POLN: variants seen among roughly 807,000 people sequenced by gnomAD.
The protein encoded by POLN is DNA polymerase N.
A neutral mutation model predicts 113.5 loss-of-function variants in POLN; 108 were observed. The ratio of observed to expected loss-of-function variants is 0.95; its 90% CI spans 0.81 to 1.12. The LOEUF is 1.12. POLN is among the 50% of genes most tolerant of loss of function. The pLI is 0.00. For missense variants in POLN, 1,097 were observed against 1,077.1 expected (o/e 1.02, Z -0.26); for synonymous variants, 386 against 391.5 (o/e 0.99, Z 0.17).
intron 19 of POLN, among the ~76,000 whole-genome samples, chr4:2,123,270 C>A (rs1028221645): frequency 2.0e-5 from 3 of 151,816 alleles, no homozygotes; most frequent in African/African-American, 7.3e-5. Context: ...AGGTAGGTTG[C>A]TTTGTAATCA....
intron 21 of POLN, among the ~76,000 whole-genome samples, chr4:2,083,279 C>A (rs897974825): frequency 9.9e-5 from 15 of 152,214 alleles, no homozygotes; most frequent in African/African-American, 3.6e-4. Context: ...AAGTCTGGAT[C>A]CACGTCTCCT....
intron 20 of POLN, chr4:2,088,998 T>C: frequency 1.1e-6 from 1 of 870,798 alleles, no homozygotes; most frequent in Non-Finnish European, 1.9e-6. Flanking sequence ...CAGCCTTTAT[T>C]GTTTTTCTCA....
intron 20 of POLN, among the ~76,000 whole-genome samples, chr4:2,088,161 C>T (rs1196342623): frequency 3.3e-5 from 5 of 152,090 alleles, no homozygotes; most frequent in Admixed American, 3.3e-4. Flanking sequence ...AAATGTATTT[C>T]AACAATCTCC....
chr4:2,096,965 G>A (rs77162233), intron 19 of POLN, among the ~76,000 whole-genome samples: 1,630 of 152,228 alleles, frequency 0.011, 32 homozygotes, highest in African/African-American at 0.037. Flanking sequence ...TACATTTCCC[G>A]ATATCCACAG....
chr4:2,103,839 C>T (rs867866596), intron 19 of POLN, among the ~76,000 whole-genome samples: 5 of 152,288 alleles, frequency 3.3e-5, no homozygotes, highest in Middle Eastern at 3.4e-3. Flanking sequence ...CAAACAAAAA[C>T]GCTGCCAGTC....
chr4:2,187,248 T>TTTGC (rs1331938369), intron 7 of POLN, among the ~76,000 whole-genome samples: 1 of 152,114 alleles, frequency 6.6e-6, no homozygotes, highest in African/African-American at 2.4e-5. Flanking sequence ...GTTTGTTTTG[T>TTTGC]TTGTTTGTTT....
intron 5 of POLN, among the ~76,000 whole-genome samples, chr4:2,205,442 CACAA>C (rs959765925): frequency 7.2e-5 from 11 of 152,274 alleles, no homozygotes; most frequent in African/African-American, 2.6e-4. Flanking sequence ...TCACAGATGA[CACAA>C]ACAAATGGAA....
chr4:2,132,877 C>G (rs920973341), intron 16 of POLN, among the ~76,000 whole-genome samples: 1 of 152,194 alleles, frequency 6.6e-6, no homozygotes, highest in Non-Finnish European at 1.5e-5. Context: ...AAAGGGAAAC[C>G]TGGAACTTCA....
chr4:2,186,468 C>T (rs766024564), intron 7 of POLN, among the ~76,000 whole-genome samples: 20 of 152,130 alleles, frequency 1.3e-4, no homozygotes, highest in Non-Finnish European at 2.2e-4. Context: ...CGAGGTATTC[C>T]CTTAGGGACT....
Position 2,072,208 on chromosome 4 carries a change from C to T in POLN, c.2609G>A (p.Arg870His), listed in dbSNP as rs371643946. 66 of 1,607,816 alleles carry T rather than the reference C, an allele frequency of 4.1e-5. No individual in the cohort carries two copies. The highest frequency in any genetic ancestry group is 2.0e-4 in the African/African-American group (15 of 74,704). Reference sequence around the variant, plus strand: ...CAGGCTGTTGCTGGGAGACTCAGTGCGACATGGGCCTGGCGGAGGGCCCCA... The same window carrying T: ...CAGGCTGTTGCTGGGAGACTCAGTGTGACATGGGCCTGGCGGAGGGCCCCA... Reference protein sequence around the residue: ...EAWGPPPGPCRTESPSNSLAA... With the variant: ...EAWGPPPGPCHTESPSNSLAA... Residue 870 changes from arginine to histidine, a missense_variant, in exon 26 of 26, where the codon CGC (arginine) becomes CAC (histidine). Arg to His is a conservative substitution (Grantham distance 29). Coordinates refer to ENST00000511885, the MANE Select transcript of POLN (RefSeq NM_181808.4).
intron 19 of POLN, among the ~76,000 whole-genome samples, chr4:2,104,322 T>C (rs1730995717): frequency 6.6e-6 from 1 of 152,240 alleles, no homozygotes; most frequent in Non-Finnish European, 1.5e-5. Flanking sequence ...TTCCACCTTT[T>C]TGCTATTATG....
intron 19 of POLN, among the ~76,000 whole-genome samples, chr4:2,120,223 T>A (rs1383143227): frequency 6.6e-6 from 1 of 152,220 alleles, no homozygotes; most frequent in African/African-American, 2.4e-5. Context: ...ACTGTTTTAG[T>A]TATTCTAAGC....
Position 2,128,247 on chromosome 4 carries a change from A to G in POLN, c.1868-20T>C. 2 of 1,507,760 alleles carry G rather than the reference A, an allele frequency of 1.3e-6. No homozygotes were observed. Among genetic ancestry groups the G allele is most frequent in the Non-Finnish European group, 1.8e-6 (2 of 1,087,170 alleles). 93.4% of individuals were successfully genotyped at this position (1,507,760 alleles called of 1,614,324 possible). On this transcript the variant is annotated intron_variant, in intron 18 of 25. Transcript: ENST00000511885. ...AAAAGTCTGTGAGATACAGTTCTGC[A>G]TTAATTTAGAGTTTGCCAGCAATGT...
chr4:2,170,729 T>C lies in POLN; in HGVS notation c.1504A>G (p.Ser502Gly), dbSNP rs34574483. Residue 502 changes from serine (S) to glycine (G), a missense_variant, in exon 13 of 26, where the codon AGT becomes GGT. Transcript: ENST00000511885. ...LKLHLLSQRN[S>G]LPRTGLQKYP... ...TTCTGCAACCCCGTTCTGGGGAGAC[T>C]GTTCCTTTGACTCAGCAGGTGCAGC... The C allele has an allele frequency of 0.031, 50,661 of 1,614,032 alleles. 986 individuals carry two copies. The highest frequency in any genetic ancestry group is 0.038 in the Non-Finnish European group (45,261 of 1,179,876).
intron 16 of POLN, among the ~76,000 whole-genome samples, chr4:2,139,004 T>C (rs1415707496): frequency 1.3e-5 from 2 of 151,720 alleles, no homozygotes; most frequent in South Asian, 2.1e-4. Context: ...CTGGTGAGCA[T>C]GTGCGCAGGC....
chr4:2,109,695 G>A (rs1482144811), intron 19 of POLN, among the ~76,000 whole-genome samples: 1 of 151,876 alleles, frequency 6.6e-6, no homozygotes, highest in Non-Finnish European at 1.5e-5. Flanking sequence ...CTAGTAATTG[G>A]CTTTCTTATG....
At position 2,193,269 on chromosome 4, in the gene POLN, A is replaced by G. The variant is rs776685964; in HGVS notation, c.956T>C (p.Phe319Ser). Residue 319 changes from phenylalanine (F) to serine (S), a missense_variant, in exon 7 of 26, where the codon TTT becomes TCT. Phe to Ser is a radical substitution (Grantham distance 155). Transcript: ENST00000511885. ...TMKCKCPVIC[F>S]NAKDFVRIVL... ...TATTCTCACAAAATCCTTAGCATTAAAACAAATAACAGGACATTTACATTT... is the reference window on the plus strand; with the variant it reads ...TATTCTCACAAAATCCTTAGCATTAGAACAAATAACAGGACATTTACATTT... 6.2e-7 allele frequency: 1 copy of G among 1,610,956 alleles called. No individual in the cohort carries two copies. The highest frequency in any genetic ancestry group is 1.7e-4 in the Middle Eastern group (1 of 6,050).
rs999919562 is a variant in POLN at position 2,190,892 on chromosome 4, G to GAGAA, written c.1021+2308_1021+2311dup. Among the ~76,000 whole-genome samples the GAGAA allele has an allele frequency of 2.6e-4, 40 of 152,304 alleles. 1 individual carries two copies. The East Asian group carries it at 6.9e-3, about 26-fold the overall frequency. ...AATAACAGATACTGGTGAGGATATGGAGAAAGGGGAACCCTCATACACTAT... is the reference window on the plus strand; with the variant it reads ...AATAACAGATACTGGTGAGGATATGGAGAAAGAAAGGGGAACCCTCATACACTAT... On this transcript the variant is annotated intron_variant, in intron 7 of 25. Coordinates refer to ENST00000511885, the MANE Select transcript of POLN (RefSeq NM_181808.4).
rs200073346 is a variant in POLN at position 2,091,778 on chromosome 4, T to C, written c.2065+4073A>G. 1.0e-4 allele frequency among the ~76,000 whole-genome samples: 10 copies of C among 97,744 alleles called. No homozygotes were observed. The East Asian group carries it at 2.0e-3, about 20-fold the overall frequency. The allele number at this position is 97,744 out of a possible 152,430, so 64.1% of individuals were successfully genotyped here. A position where few individuals can be genotyped will look rare whatever the true frequency, so the allele number is the denominator to read the frequency against. On this transcript the variant is annotated intron_variant, in intron 20 of 25. Coordinates refer to ENST00000511885, the MANE Select transcript of POLN (RefSeq NM_181808.4). ...ACGTGAATCTGTGTGTGTGTGTGTG[T>C]GTGTGTGTGTGTGTGTGTGTGTGCG...
Sources: allele counts gnomAD v4.1 joint callset (sites outside exome capture counted in the v4.1 genomes callset), GRCh38; gene constraint gnomAD v4.1.1; transcripts MANE v1.5; gene names NCBI Gene and HGNC (gene_info 2026-07-23, HGNC 2026-07-21).